The following ANKRD36B variants were observed in gnomAD, a reference collection of about 807,000 sequenced individuals.
ANKRD36B encodes the protein ankyrin repeat domain 36B.
Under a neutral mutation model 135.7 loss-of-function variants are expected in ANKRD36B, and 37 were observed. The observed-to-expected ratio is 0.27, with a 90% CI of 0.21 to 0.36. ANKRD36B has a LOEUF of 0.36. Among genes scored for constraint, ANKRD36B ranks in the 10% least tolerant of loss-of-function variants. ANKRD36B has a pLI of 1.00. For missense variants in ANKRD36B, 549 were observed against 1,037.1 expected, an observed-to-expected ratio of 0.53 and a Z score of 6.46; for synonymous variants, 179 against 348.1, an observed-to-expected ratio of 0.51 and a Z score of 5.41.
chr2:97,562,218 A>G (rs1421280149), intron 6 of ANKRD36B, among the ~76,000 whole-genome samples: 1 of 151,854 alleles, frequency 6.6e-6, no homozygotes, highest in Non-Finnish European at 1.5e-5. Flanking sequence ...TTCTTTTCTT[A>G]TAAATAACCA....
chr2:97,585,247 A>G, intron 2 of ANKRD36B, 37 bp downstream of exon 2: 3 of 1,576,652 alleles, frequency 1.9e-6, no homozygotes, highest in Non-Finnish European at 2.6e-6. Flanking sequence ...ACTTCAACCA[A>G]ATCCATCTCA....
At chr2:97,555,964 T>A (rs187899659) in intron 12 of ANKRD36B, among the ~76,000 whole-genome samples, 1 of 151,996 alleles carries the variant, frequency 6.6e-6, no homozygotes, top group South Asian at 2.1e-4. Context: ...CACATATTTA[T>A]ACAAAATGCA....
chr2:97,537,175 C>T (rs1332985709), intron 32 of ANKRD36B, among the ~76,000 whole-genome samples: 1 of 96,094 alleles, frequency 1.0e-5, no homozygotes, highest in African/African-American at 3.1e-5. Flanking sequence ...ATATAAACCC[C>T]ATCGAAAAGT....
At chr2:97,562,232 A>C (rs2081089503) in intron 6 of ANKRD36B, among the ~76,000 whole-genome samples, 1 of 151,836 alleles carries the variant, frequency 6.6e-6, no homozygotes, top group African/African-American at 2.4e-5. Flanking sequence ...ATAACCAACC[A>C]ATATGACATA....
At chr2:97,569,724 A>G (rs1326737812) in intron 6 of ANKRD36B, among the ~76,000 whole-genome samples, 8 of 152,178 alleles carry the variant, frequency 5.3e-5, no homozygotes, top group Admixed American at 3.3e-4. Flanking sequence ...CTCTTAAAAT[A>G]AAGTTGTTAA....
At chr2:97,550,706 C>T (rs2079969697) in intron 18 of ANKRD36B, among the ~76,000 whole-genome samples, 1 of 151,800 alleles carries the variant, frequency 6.6e-6, no homozygotes, top group Non-Finnish European at 1.5e-5. Flanking sequence ...GCTGGAGTTG[C>T]CAAAATCAAA....
chr2:97,532,913 C>T (rs1296869377), intron 34 of ANKRD36B, among the ~76,000 whole-genome samples: 2 of 95,718 alleles, frequency 2.1e-5, no homozygotes, highest in Non-Finnish European at 5.5e-5. Context: ...CAAAGATTCA[C>T]TCACAAATTC....
intron 35 of ANKRD36B, among the ~76,000 whole-genome samples, chr2:97,529,992 T>C (rs1382720484): frequency 2.1e-5 from 2 of 95,794 alleles, no homozygotes; most frequent in South Asian, 2.4e-4. Flanking sequence ...AGGTAATTTA[T>C]AGAATCAGTG....
chr2:97,554,625 A>G (rs1030116992), intron 14 of ANKRD36B, among the ~76,000 whole-genome samples: 7 of 151,846 alleles, frequency 4.6e-5, no homozygotes, highest in African/African-American at 1.7e-4. Flanking sequence ...AATAATTGCT[A>G]CATCAGTGGT....
intron 10 of ANKRD36B, among the ~76,000 whole-genome samples, 167 bp downstream of exon 10, chr2:97,558,632 A>T (rs1248000271): frequency 6.6e-6 from 1 of 151,898 alleles, no homozygotes; most frequent in Non-Finnish European, 1.5e-5. Context: ...TACTGCAAAG[A>T]TCATGTCGAA....
intron 28 of ANKRD36B, 132 bp downstream of exon 28, chr2:97,541,779 T>C (rs1203354373): frequency 1.2e-6 from 1 of 820,118 alleles, no homozygotes; most frequent in Non-Finnish European, 1.9e-6. Context: ...CGAGGACTTA[T>C]TACAAATGAA....
intron 4 of ANKRD36B, 86 bp from the exon 5 acceptor site, chr2:97,579,129 T>C: frequency 7.5e-7 from 1 of 1,332,114 alleles, no homozygotes; most frequent in Non-Finnish European, 1.0e-6. Context: ...ATGTTGCCTG[T>C]CCATGTAGAA....
chr2:97,513,138 A>C (rs749965986), intron 38 of ANKRD36B, 42 bp downstream of exon 38: 5 of 1,437,616 alleles, frequency 3.5e-6, no homozygotes, highest in Admixed American at 2.3e-5. Flanking sequence ...AAGTAATATT[A>C]ATAAGAGTAG....
intron 6 of ANKRD36B, among the ~76,000 whole-genome samples, chr2:97,569,558 T>C (rs2081684736): frequency 6.6e-6 from 1 of 151,586 alleles, no homozygotes; most frequent in South Asian, 2.1e-4. Context: ...GGACTTTGGA[T>C]GATTATGATG....
At chr2:97,515,197 C>T (rs202014839) in intron 37 of ANKRD36B, among the ~76,000 whole-genome samples, 1 of 37,124 alleles carries the variant, frequency 2.7e-5, no homozygotes, top group Admixed American at 2.3e-4. Flanking sequence ...CCACTGCACC[C>T]GGCTGATAAT....
At position 97,540,215 on chromosome 2, in the gene ANKRD36B, G is replaced by A. The variant is rs774306102; in HGVS notation, c.1900C>T (p.Arg634Ter). Residue 634 changes from arginine to a stop codon, truncating the protein, a stop_gained, in exon 29 of 44, where the codon CGA becomes TGA. Transcript: ENST00000359901. LOFTEE classifies it high-confidence loss of function. ...AGTTTAATTACCTTCAAGGCTGGTC[G>A]TCTCTGAGAAGACACTGAAAAGCAA... ...QIRGTVSSQR[R>*]PALKTTGDEK... is the part of the protein sequence containing the mutation. The A allele has an allele frequency of 1.2e-5, 12 of 967,282 alleles. 4 individuals carry two copies. The highest frequency in any genetic ancestry group is 7.1e-5 in the South Asian group (6 of 84,742). The allele number at this position is 967,282 out of a possible 1,614,324, so 59.9% of individuals were successfully genotyped here.
chr2:97,556,510 G>A (rs1386465389), intron 12 of ANKRD36B, among the ~76,000 whole-genome samples: 1 of 151,678 alleles, frequency 6.6e-6, no homozygotes, highest in African/African-American at 2.4e-5. Context: ...TACATCAGTG[G>A]TCACTTTGTT....
intron 34 of ANKRD36B, among the ~76,000 whole-genome samples, chr2:97,535,486 A>C (rs535331370): frequency 1.7e-4 from 18 of 108,236 alleles, no homozygotes; most frequent in Non-Finnish European, 3.4e-4. Context: ...AAAAAAATAA[A>C]ACACACACAC....
At chr2:97,565,346 G>A (rs369940027) in intron 6 of ANKRD36B, among the ~76,000 whole-genome samples, 3 of 151,510 alleles carry the variant, frequency 2.0e-5, no homozygotes, top group East Asian at 1.9e-4. Context: ...TTTGAATACC[G>A]TTTATTTCTT....
Sources: gnomAD v4.1 joint callset for allele counts (sites outside exome capture counted in the v4.1 genomes callset) on GRCh38, gnomAD v4.1.1 for gene constraint, MANE v1.5 for transcripts, NCBI Gene and HGNC (gene_info 2026-07-23, HGNC 2026-07-21) for gene names.